CREB5: variants seen among roughly 807,000 people sequenced by gnomAD.
CREB5 encodes the protein cAMP responsive element binding protein 5.
In CREB5, 19 loss-of-function variants were observed where a neutral mutation model predicts 57.1. The ratio of observed to expected loss-of-function variants is 0.33; its 90% CI spans 0.23 to 0.49. The LOEUF (loss-of-function observed/expected upper bound fraction) is 0.49, where lower values mean the gene tolerates loss of function less well. Ranked by LOEUF, CREB5 falls within the 20% of genes least tolerant of loss-of-function variation. CREB5 has a pLI of 0.99. For synonymous variants in CREB5, 238 were observed against 238.3 expected (o/e 1.00, Z 0.01); for missense variants, 579 against 671.6 (o/e 0.86, Z 1.52).
intron 5 of CREB5, among the ~76,000 whole-genome samples, chr7:28,683,674 C>T (rs948656436): frequency 3.3e-5 from 5 of 152,176 alleles, no homozygotes; most frequent in African/African-American, 1.2e-4. Flanking sequence ...TGGCGGGTCT[C>T]ATCTGAGATC....
chr7:28,693,573 G>A (rs533144563), intron 5 of CREB5, among the ~76,000 whole-genome samples: 1 of 152,252 alleles, frequency 6.6e-6, no homozygotes, highest in East Asian at 1.9e-4. Flanking sequence ...TGTGCAGAGA[G>A]GGGAAGCCTA....
intron 1 of CREB5, among the ~76,000 whole-genome samples, chr7:28,330,446 G>T (rs1375215695): frequency 7.5e-6 from 1 of 133,226 alleles, no homozygotes; most frequent in African/African-American, 2.9e-5. Flanking sequence ...CATCGTCAGA[G>T]GAACCTTTTC....
intron 5 of CREB5, among the ~76,000 whole-genome samples, chr7:28,647,174 G>A (rs1798920879): frequency 6.6e-6 from 1 of 151,218 alleles, no homozygotes; most frequent in Admixed American, 6.6e-5. Flanking sequence ...CAGTGATGGT[G>A]GCCAGTGGCC....
intron 7 of CREB5, among the ~76,000 whole-genome samples, chr7:28,777,161 T>A (rs527862396): frequency 4.9e-4 from 75 of 152,338 alleles, no homozygotes; most frequent in African/African-American, 1.7e-3. Context: ...CACAGTAGAT[T>A]CTTACAAGGA....
At chr7:28,332,208 A>G (rs112447144) in intron 1 of CREB5, among the ~76,000 whole-genome samples, 1 of 152,174 alleles carries the variant, frequency 6.6e-6, no homozygotes, top group African/African-American at 2.4e-5. Context: ...AGAAACTGGA[A>G]GCGATTCTCC....
chr7:28,305,096 TA>T (rs147188553), intron 1 of CREB5, among the ~76,000 whole-genome samples: 3,776 of 152,322 alleles, frequency 0.025, 138 homozygotes, highest in African/African-American at 0.085. Flanking sequence ...AATCTTGTCC[TA>T]AAACATAACT....
chr7:28,806,361 AC>A (rs767957898), intron 8 of CREB5, among the ~76,000 whole-genome samples: 13 of 152,020 alleles, frequency 8.6e-5, no homozygotes, highest in Non-Finnish European at 1.3e-4. Context: ...CCAAAATACC[AC>A]TCTTAAATTG....
At chr7:28,608,113 T>TCTCTCTCA (rs1484747649) in intron 5 of CREB5, among the ~76,000 whole-genome samples, 3 of 143,070 alleles carry the variant, frequency 2.1e-5, no homozygotes, top group African/African-American at 8.1e-5. Context: ...TCTCTCTCTC[T>TCTCTCTCA]CACACACACT....
chr7:28,657,716 C>T (rs75766652), intron 5 of CREB5, among the ~76,000 whole-genome samples: 3 of 32,668 alleles, frequency 9.2e-5, no homozygotes, highest in African/African-American at 2.3e-4. Flanking sequence ...GACTCTCTCT[C>T]GAAAAAAAAA....
At chr7:28,724,443 G>T (rs530408360) in intron 7 of CREB5, 111 bp downstream of exon 7, 1 of 888,366 alleles carries the variant, frequency 1.1e-6, no homozygotes, top group East Asian at 2.7e-5. Flanking sequence ...TCTTTGTTTT[G>T]GTGAATGAAA....
At chr7:28,416,345 C>A (rs1788023349) in intron 1 of CREB5, among the ~76,000 whole-genome samples, 1 of 152,172 alleles carries the variant, frequency 6.6e-6, no homozygotes, top group Admixed American at 6.5e-5. Flanking sequence ...GCAACAACAA[C>A]AACAACAAAA....
chr7:28,338,245 C>T (rs1325536479), intron 1 of CREB5, among the ~76,000 whole-genome samples: 1 of 152,126 alleles, frequency 6.6e-6, no homozygotes, highest in African/African-American at 2.4e-5. Context: ...TCTTATTGCA[C>T]AATAATGTCC....
At chr7:28,560,999 C>CGTGCGTGT (rs1562798375) in intron 4 of CREB5, among the ~76,000 whole-genome samples, 4 of 34,192 alleles carry the variant, frequency 1.2e-4, no homozygotes, top group African/African-American at 4.4e-4. Context: ...TGTGTGCCTG[C>CGTGCGTGT]GTGTGCGTGT....
intron 1 of CREB5, among the ~76,000 whole-genome samples, chr7:28,301,536 A>G (rs1411619377): frequency 6.6e-6 from 1 of 152,224 alleles, no homozygotes; most frequent in Non-Finnish European, 1.5e-5. Flanking sequence ...GCAGTGAGTT[A>G]GAAATTATGA....
chr7:28,437,987 C>T (rs774681149), intron 1 of CREB5, among the ~76,000 whole-genome samples: 31 of 152,104 alleles, frequency 2.0e-4, no homozygotes, highest in Admixed American at 3.3e-4. Context: ...ATGACATTTT[C>T]CAGTTATCCA....
At chr7:28,531,913 C>T (rs2128622311) in intron 4 of CREB5, among the ~76,000 whole-genome samples, 1 of 152,272 alleles carries the variant, frequency 6.6e-6, no homozygotes, top group South Asian at 2.1e-4. Context: ...CCTGTACTCC[C>T]AGCTACTCGG....
chr7:28,657,069 G>A (rs73302895), intron 5 of CREB5, among the ~76,000 whole-genome samples: 5,892 of 152,094 alleles, frequency 0.039, 395 homozygotes, highest in African/African-American at 0.13. Flanking sequence ...ATGCAGCCAG[G>A]ATCCCAAACA....
At chr7:28,695,455 C>A (rs907451908) in intron 5 of CREB5, among the ~76,000 whole-genome samples, 1 of 152,134 alleles carries the variant, frequency 6.6e-6, no homozygotes, top group African/African-American at 2.4e-5. Context: ...AGGGAGCAAC[C>A]AACAGGCAGG....
chr7:28,806,126 G>C (rs938102220), intron 8 of CREB5, among the ~76,000 whole-genome samples: 3 of 152,172 alleles, frequency 2.0e-5, no homozygotes, highest in African/African-American at 7.2e-5. Context: ...ATTTCACAGA[G>C]CAAGTTATAT....
Sources: gnomAD v4.1 joint callset for allele counts (sites outside exome capture counted in the v4.1 genomes callset) on GRCh38, gnomAD v4.1.1 for gene constraint, MANE v1.5 for transcripts, NCBI Gene and HGNC (gene_info 2026-07-23, HGNC 2026-07-21) for gene names.